Variants in MTARC2 observed in about 807,000 individuals in gnomAD.
The protein encoded by MTARC2 is MOCO sulphurase C-terminal domain containing 2.
A neutral mutation model predicts 35.6 loss-of-function variants in MTARC2; 27 were observed. That is an observed-to-expected ratio of 0.76 (90% CI 0.56 to 1.04). MTARC2 has a LOEUF of 1.04. MTARC2 is among the 50% of genes least tolerant of loss of function. The pLI is 0.00. For missense variants in MTARC2, 412 were observed against 432.5 expected (o/e 0.95, Z 0.42); for synonymous variants, 158 against 167.1 (o/e 0.95, Z 0.42).
At chr1:220,759,482 T>TGCCTTCCATC (rs3841821) in intron 2 of MTARC2, among the ~76,000 whole-genome samples, 20,195 of 152,106 alleles carry the variant, frequency 0.13, 1,793 homozygotes, top group East Asian at 0.25. Flanking sequence ...GGTGGAGGGA[T>TGCCTTCCATC]GCCTTCCATC....
In MTARC2 at chr1:220,775,153, G is replaced by A. The variant is rs563041229; in HGVS notation, c.751-4865G>A. 2.6e-3 allele frequency among the ~76,000 whole-genome samples: 208 copies of A among 81,114 alleles called. 3 individuals are homozygous for A. The highest frequency in any genetic ancestry group is 8.8e-3 in the African/African-American group (189 of 21,556). 53.2% of individuals were successfully genotyped at this position (81,114 alleles called of 152,430 possible). ...GTTGTGTGTTCCACAACACCCACCCGCCCCACCCTTATTTCACTTCTCTCT... is the reference window on the plus strand; with the variant it reads ...GTTGTGTGTTCCACAACACCCACCCACCCCACCCTTATTTCACTTCTCTCT... On this transcript the variant is annotated intron_variant, in intron 4 of 7. Transcript: ENST00000366913.
chr1:220,772,545 A>T (rs998539619), intron 4 of MTARC2, among the ~76,000 whole-genome samples: 1 of 152,164 alleles, frequency 6.6e-6, no homozygotes, highest in Non-Finnish European at 1.5e-5. Flanking sequence ...TGCTAAGATT[A>T]CAGAGATGAC....
chr1:220,759,931 T>C (rs1572297714), intron 2 of MTARC2, among the ~76,000 whole-genome samples: 2 of 151,930 alleles, frequency 1.3e-5, no homozygotes, highest in Admixed American at 6.6e-5. Flanking sequence ...TACACAGGGG[T>C]TCATCTAACT....
At chr1:220,754,863 T>G in intron 1 of MTARC2, 84 bp from the exon 2 acceptor site, 3 of 1,292,574 alleles carry the variant, frequency 2.3e-6, no homozygotes, top group East Asian at 2.4e-5. Flanking sequence ...GGGTGGAGAG[T>G]TCTGAGGAAG....
intron 2 of MTARC2, among the ~76,000 whole-genome samples, chr1:220,757,957 T>G (rs74466927): frequency 0.013 from 2,037 of 152,262 alleles, 33 homozygotes; most frequent in East Asian, 0.06. Flanking sequence ...GTTATGAATT[T>G]TATATTATTC....
In MTARC2 at chr1:220,755,128, G is replaced by T; in HGVS notation, c.446+8G>T. On this transcript the variant is annotated splice_region_variant and intron_variant, in intron 2 of 7. Transcript: ENST00000366913. The stretch of plus-strand genomic sequence containing the variant: ...CAAACTCCACAACTGCAGGTGTTCC[G>T]CTTGGGGGCATCCACAGAACTGCAA... 2.5e-6 allele frequency: 4 copies of T among 1,591,596 alleles called. No individual in the cohort carries two copies. The highest frequency in any genetic ancestry group is 2.3e-5 in the South Asian group (2 of 87,042).
At chr1:220,759,856 T>A (rs1355854533) in intron 2 of MTARC2, among the ~76,000 whole-genome samples, 2 of 152,020 alleles carry the variant, frequency 1.3e-5, no homozygotes, top group African/African-American at 4.8e-5. Context: ...GATTTGACAG[T>A]AGATAGGAGA....
chr1:220,784,718 G>A lies in MTARC2; in HGVS notation c.*831G>A, dbSNP rs1672167385. 1 of 152,158 alleles carries A rather than the reference G, an allele frequency of 6.6e-6. No homozygotes were observed. Among genetic ancestry groups the A allele is most frequent in the African/African-American group, 2.4e-5 (1 of 41,448 alleles). The allele number at this position is 152,158 out of a possible 1,614,324, so 9.4% of individuals were successfully genotyped here. On this transcript the variant is annotated 3_prime_UTR_variant, in exon 8 of 8. Coordinates refer to ENST00000366913, the MANE Select transcript of MTARC2 (RefSeq NM_017898.5). ...ACGAACAACTTTGGTATGATCTTAA[G>A]CAAAAATACTCACTGAAATAGTATG...
At chr1:220,754,221 G>A (rs1158580261) in intron 1 of MTARC2, 5 of 428,704 alleles carry the variant, frequency 1.2e-5, no homozygotes, top group Admixed American at 2.5e-5. Flanking sequence ...CTAACCAACT[G>A]GGCCTGGCCA....
intron 1 of MTARC2, among the ~76,000 whole-genome samples, chr1:220,752,792 A>G (rs1671160679): frequency 6.6e-6 from 1 of 151,986 alleles, no homozygotes; most frequent in African/African-American, 2.4e-5. Flanking sequence ...GGCTGCCATG[A>G]GCTAAGATCA....
intron 4 of MTARC2, among the ~76,000 whole-genome samples, chr1:220,778,078 A>C (rs1671964459): frequency 6.6e-6 from 1 of 151,954 alleles, no homozygotes; most frequent in Admixed American, 6.6e-5. Context: ...CCCCATCAGT[A>C]CTAAAAATAC....
chr1:220,777,387 C>G (rs1671946332), intron 4 of MTARC2, among the ~76,000 whole-genome samples: 1 of 152,140 alleles, frequency 6.6e-6, no homozygotes, highest in Non-Finnish European at 1.5e-5. Context: ...TGAAGGAGGA[C>G]CAGACATGGC....
At chr1:220,756,768 C>T (rs2102546331) in intron 2 of MTARC2, among the ~76,000 whole-genome samples, 1 of 152,290 alleles carries the variant, frequency 6.6e-6, no homozygotes, top group African/African-American at 2.4e-5. Context: ...GTTTTTCCCC[C>T]AAGGCTCTTT....
intron 4 of MTARC2, among the ~76,000 whole-genome samples, chr1:220,767,854 T>G (rs337149): frequency 0.039 from 5,936 of 152,252 alleles, 356 homozygotes; most frequent in African/African-American, 0.13. Flanking sequence ...CTGTGTGGAT[T>G]GGGTCCTCCC....
In MTARC2 at chr1:220,781,827, C is replaced by T. The variant is rs1285289542; in HGVS notation, c.934C>T (p.Leu312Phe). ...GAGGGAATTGTACAAGTTGTCTCCA[C>T]TTTTTGGGATCTATTATTCAGTGGA... The part of the protein sequence containing the change: ...SERELYKLSP[L>F]FGIYYSVEKI... The change falls in exon 7 of 8, where the codon CTT becomes TTT. Residue 312 changes from leucine (L) to phenylalanine (F), a missense_variant. Transcript: ENST00000366913. 2 of 1,614,126 alleles carry T rather than the reference C, an allele frequency of 1.2e-6. No individual in the cohort carries two copies. Among genetic ancestry groups the T allele is most frequent in the South Asian group, 2.2e-5 (2 of 91,080 alleles).
intron 3 of MTARC2, 149 bp from the exon 4 acceptor site, chr1:220,762,761 A>G: frequency 3.6e-6 from 3 of 834,572 alleles, no homozygotes; most frequent in Non-Finnish European, 3.8e-6. Flanking sequence ...TGGCCACTGC[A>G]AGCCCAAACT....
At chr1:220,756,648 G>A (rs1427994738) in intron 2 of MTARC2, among the ~76,000 whole-genome samples, 1 of 152,098 alleles carries the variant, frequency 6.6e-6, no homozygotes, top group Non-Finnish European at 1.5e-5. Flanking sequence ...AGCCATCTCG[G>A]CTTAATTGGA....
rs1006547961 is a variant in MTARC2 at position 220,774,556 on chromosome 1, C to T, written c.751-5462C>T. 7.2e-5 allele frequency among the ~76,000 whole-genome samples: 11 copies of T among 152,304 alleles called. No homozygotes were observed. In the East Asian group the frequency reaches 9.7e-4, roughly 13 times the overall value. ...AAAACCAGGAGCAGTGAAAGTGAGG[C>T]GCCAGTCCTGCGACAGAGATTAAGC... is the stretch of plus-strand genomic sequence containing the variant. On this transcript the variant is annotated intron_variant, in intron 4 of 7. Coordinates refer to ENST00000366913, the MANE Select transcript of MTARC2 (RefSeq NM_017898.5).
rs765702369 is a variant in MTARC2, at chr1:220,748,684, G to A, written c.153G>A (p.Leu51=). Reference sequence around the variant, plus strand: ...CATGGCCCAGGCGGCGCCGGCGGCTGCAGCAGGTGGGCACCGTGGCGAAGC... The same window carrying A: ...CATGGCCCAGGCGGCGCCGGCGGCTACAGCAGGTGGGCACCGTGGCGAAGC... The part of the protein sequence containing the change: ...RRAWPRRRRR[L]QQVGTVAKLW... The change falls in exon 1 of 8, where the codon CTG becomes CTA. Residue 51 remains leucine, a synonymous_variant. Transcript: ENST00000366913. 18 of 1,587,914 alleles carry A rather than the reference G, an allele frequency of 1.1e-5. No homozygotes were observed. Among genetic ancestry groups the A allele is most frequent in the Non-Finnish European group, 1.5e-5 (18 of 1,168,668 alleles).
Sources: gnomAD v4.1 joint callset for allele counts (sites outside exome capture counted in the v4.1 genomes callset) on GRCh38, gnomAD v4.1.1 for gene constraint, MANE v1.5 for transcripts, NCBI Gene and HGNC (gene_info 2026-07-23, HGNC 2026-07-21) for gene names.